The following PTH2R variants were observed in gnomAD, a reference collection of about 807,000 sequenced individuals.
PTH2R encodes the protein parathyroid hormone 2 receptor.
Under a neutral mutation model 60.3 loss-of-function variants are expected in PTH2R, and 59 were observed. That is an observed-to-expected ratio of 0.98 (90% CI 0.79 to 1.22). The LOEUF (loss-of-function observed/expected upper bound fraction) is 1.22, where lower values mean the gene tolerates loss of function less well. Ranked by LOEUF, PTH2R falls within the 50% of genes most tolerant of loss-of-function variation. The pLI, the probability that PTH2R is intolerant of heterozygous loss-of-function variation, is 0.00. For synonymous variants in PTH2R, 256 were observed against 243.8 expected (o/e 1.05, Z -0.47); for missense variants, 749 against 682.6 (o/e 1.10, Z -1.08).
At position 208,377,548 on chromosome 2, in the gene PTH2R, ACCCCCCACCTGCCTCTGGGACGGGGCG is replaced by A. The variant is rs1559202263; in HGVS notation, c.-259+17312_-259+17338del. Among the ~76,000 whole-genome samples, 1,300 of 141,156 alleles carry A rather than the reference ACCCCCCACCTGCCTCTGGGACGGGGCG, an allele frequency of 9.2e-3. 32 individuals carry two copies. The highest frequency in any genetic ancestry group is 0.034 in the African/African-American group (1,252 of 37,122). 92.6% of individuals were successfully genotyped at this position (141,156 alleles called of 152,430 possible). On this transcript the variant is annotated intron_variant, in intron 1 of 12. Coordinates refer to the PTH2R transcript ENST00000617735. Reference sequence around the variant, plus strand: ...GGGGCGGCTGGCCGGGCGGGGGCTGACCCCCCACCTGCCTCTGGGACGGGGCGGCTGGCCGGGCGGGGGCTGACCCCC... The same window carrying A: ...GGGGCGGCTGGCCGGGCGGGGGCTGAGCTGGCCGGGCGGGGGCTGACCCCC...
chr2:208,474,718 A>G (rs969734392), intron 9 of PTH2R, among the ~76,000 whole-genome samples: 1 of 152,248 alleles, frequency 6.6e-6, no homozygotes, highest in Non-Finnish European at 1.5e-5. Flanking sequence ...ACATCAAAAT[A>G]TTTTAAGCAG....
intron 10 of PTH2R, among the ~76,000 whole-genome samples, chr2:208,487,662 C>A (rs980817483): frequency 6.6e-6 from 1 of 152,182 alleles, no homozygotes; most frequent in Non-Finnish European, 1.5e-5. Flanking sequence ...GGGTATGGAT[C>A]CCCTGCTTCA....
chr2:208,414,283 G>A (rs1447753192), intron 1 of PTH2R, among the ~76,000 whole-genome samples: 3 of 152,094 alleles, frequency 2.0e-5, no homozygotes, highest in Admixed American at 6.5e-5. Flanking sequence ...CTCCTGCTCT[G>A]TCAAAAGCAA....
intron 1 of PTH2R, among the ~76,000 whole-genome samples, chr2:208,370,597 C>G (rs1293359994): frequency 1.3e-5 from 2 of 151,468 alleles, no homozygotes; most frequent in Non-Finnish European, 2.9e-5. Flanking sequence ...TCAGATTTTT[C>G]TCTGTTGTAA....
intron 4 of PTH2R, among the ~76,000 whole-genome samples, chr2:208,438,476 G>A (rs1181269058): frequency 6.6e-6 from 1 of 152,142 alleles, no homozygotes; most frequent in East Asian, 1.9e-4. Flanking sequence ...AGTGGCAAGA[G>A]GGTTTAATGT....
intron 9 of PTH2R, 147 bp from the exon 10 acceptor site, chr2:208,480,923 C>G: frequency 1.7e-6 from 1 of 586,116 alleles, no homozygotes; most frequent in Non-Finnish European, 3.0e-6. Flanking sequence ...CACTAGCCTT[C>G]CAATATCTGA....
chr2:208,456,499 C>G (rs981161041), intron 8 of PTH2R, among the ~76,000 whole-genome samples: 3 of 152,144 alleles, frequency 2.0e-5, no homozygotes. Flanking sequence ...TGCAAAGGAC[C>G]AAGAAGCCAT....
intron 10 of PTH2R, among the ~76,000 whole-genome samples, chr2:208,481,393 T>G (rs907380707): frequency 6.6e-6 from 1 of 152,034 alleles, no homozygotes; most frequent in Non-Finnish European, 1.5e-5. Flanking sequence ...GTATTTTTAG[T>G]AGAGATGAGG....
At chr2:208,482,925 T>G (rs1412561331) in intron 10 of PTH2R, among the ~76,000 whole-genome samples, 1 of 152,216 alleles carries the variant, frequency 6.6e-6, no homozygotes, top group Non-Finnish European at 1.5e-5. Context: ...GCACGTCCAT[T>G]CATAGGCTCT....
In PTH2R at chr2:208,493,446, G is replaced by C. The variant is rs1001304263; in HGVS notation, c.1440G>C (p.Lys480Asn). Reference sequence around the variant, plus strand: ...TGCTTATCTCTGGCAAAGCTGCCAAGATCGCCAGCAGACAGCCTGACAGCC... The same window carrying C: ...TGCTTATCTCTGGCAAAGCTGCCAACATCGCCAGCAGACAGCCTGACAGCC... ...RMVLISGKAA[K>N]IASRQPDSHI... The change falls in exon 13 of 13, where the codon AAG becomes AAC. Residue 480 changes from lysine (K) to asparagine (N), a missense_variant. Transcript: ENST00000272847. 1.1e-5 allele frequency: 17 copies of C among 1,610,108 alleles called. No individual in the cohort carries two copies. The Admixed American group carries it at 2.3e-4, about 22-fold the overall frequency.
chr2:208,446,108 T>C (rs1574880203), intron 7 of PTH2R, among the ~76,000 whole-genome samples: 1 of 152,208 alleles, frequency 6.6e-6, no homozygotes, highest in Non-Finnish European at 1.5e-5. Context: ...GACATTTGTT[T>C]ATTTGGGTTA....
intron 9 of PTH2R, among the ~76,000 whole-genome samples, chr2:208,468,409 C>T (rs887205698): frequency 2.8e-4 from 42 of 152,134 alleles, no homozygotes; most frequent in Admixed American, 2.6e-3. Flanking sequence ...GTGATGGAGC[C>T]GGGTTCTGAC....
At chr2:208,456,179 C>A (rs1375894798) in intron 8 of PTH2R, among the ~76,000 whole-genome samples, 1 of 151,556 alleles carries the variant, frequency 6.6e-6, no homozygotes, top group African/African-American at 2.4e-5. Flanking sequence ...GAAGCAGAGG[C>A]TACAGTGAGC....
chr2:208,481,359 C>T (rs528260014), intron 10 of PTH2R, among the ~76,000 whole-genome samples, 195 bp downstream of exon 10: 29 of 152,010 alleles, frequency 1.9e-4, no homozygotes, highest in East Asian at 3.9e-4. Context: ...TACAGGTGTG[C>T]GCCATCATAT....
Position 208,489,139 on chromosome 2 carries a change from A to T in PTH2R, c.1204A>T (p.Asn402Tyr), listed in dbSNP as rs199732466. ...CCGCATGCACTGTGAGCTCTTCTTC[A>T]ACTCCTTTCAGGTAAAGGGTGCTGC... ...EIRMHCELFFNSFQGFFVSII... is the reference protein window; with the variant it reads ...EIRMHCELFFYSFQGFFVSII... The change falls in exon 11 of 13, where the codon AAC becomes TAC. Residue 402 changes from asparagine (N) to tyrosine (Y), a missense_variant. Transcript: ENST00000272847. 1.9e-6 allele frequency: 3 copies of T among 1,614,030 alleles called. No individual in the cohort carries two copies. The East Asian group carries it at 6.7e-5, about 36-fold the overall frequency.
At chr2:208,470,501 T>C (rs190979370) in intron 9 of PTH2R, among the ~76,000 whole-genome samples, 1 of 151,708 alleles carries the variant, frequency 6.6e-6, no homozygotes, top group Admixed American at 6.5e-5. Context: ...ATAGTGAATT[T>C]GTTATGAGAT....
intron 9 of PTH2R, among the ~76,000 whole-genome samples, chr2:208,478,296 T>TA (rs1703065341): frequency 6.6e-6 from 1 of 152,196 alleles, no homozygotes; most frequent in African/African-American, 2.4e-5. Context: ...TTTGTTCTCT[T>TA]ACAGTTCTGG....
At chr2:208,482,908 C>T (rs7600144) in intron 10 of PTH2R, among the ~76,000 whole-genome samples, 1 of 152,162 alleles carries the variant, frequency 6.6e-6, no homozygotes, top group African/African-American at 2.4e-5. Context: ...GTGAAGCCTC[C>T]CTGACTGCAC....
intron 10 of PTH2R, among the ~76,000 whole-genome samples, chr2:208,483,093 A>G (rs1015531288): frequency 6.6e-6 from 1 of 152,204 alleles, no homozygotes; most frequent in Non-Finnish European, 1.5e-5. Context: ...CCCTGCAGGT[A>G]GTATTTACTG....
Sources: gnomAD v4.1 joint callset for allele counts (sites outside exome capture counted in the v4.1 genomes callset) on GRCh38, gnomAD v4.1.1 for gene constraint, MANE v1.5 for transcripts, NCBI Gene and HGNC (gene_info 2026-07-23, HGNC 2026-07-21) for gene names.